Variants in SOCS6 observed in about 807,000 individuals in gnomAD.
SOCS6 encodes the protein STAT induced STAT inhibitor-4.
SOCS6 carries 5 observed loss-of-function variants against 27.7 expected under a neutral mutation model. The ratio of observed to expected loss-of-function variants is 0.18; its 90% CI spans 0.09 to 0.38. The LOEUF (loss-of-function observed/expected upper bound fraction) is 0.38. Ranked by LOEUF, SOCS6 falls within the 10% of genes least tolerant of loss-of-function variation. The probability of loss-of-function intolerance (pLI) is 1.00; values close to 1 mark genes in which losing one functional copy is unlikely to be tolerated. For missense variants in SOCS6, 595 were observed against 688.1 expected (o/e 0.86, Z 1.51); for synonymous variants, 271 against 260.0 (o/e 1.04, Z -0.41).
chr18:70,319,607 G>GT (rs1196376267), intron 1 of SOCS6, among the ~76,000 whole-genome samples: 2 of 54,240 alleles, frequency 3.7e-5, no homozygotes, highest in Non-Finnish European at 6.5e-5. Context: ...AAGCACTTCA[G>GT]TAAAAAAAAA....
At chr18:70,314,035 C>A (rs2146284019) in intron 1 of SOCS6, among the ~76,000 whole-genome samples, 1 of 152,196 alleles carries the variant, frequency 6.6e-6, no homozygotes. Context: ...TTTTTTGAAG[C>A]TGTTATAAAT....
At chr18:70,314,209 T>C (rs1732236292) in intron 1 of SOCS6, 1 of 152,174 alleles carries the variant, frequency 6.6e-6, no homozygotes, top group South Asian at 2.1e-4. Context: ...TGAGCTGAGA[T>C]GGCACCACCA....
At chr18:70,295,710 A>G (rs901224073) in intron 1 of SOCS6, among the ~76,000 whole-genome samples, 2 of 152,234 alleles carry the variant, frequency 1.3e-5, no homozygotes, top group African/African-American at 2.4e-5. Flanking sequence ...GTGATTTTAT[A>G]TATTTGCAGC....
rs1911213950 is a variant in SOCS6 at position 70,326,479 on chromosome 18, C to T, written c.*203C>T. On this transcript the variant is annotated 3_prime_UTR_variant, in exon 2 of 2. Transcript: ENST00000397942. ...TTTTGGTTCTTTAAAAAAGGGAAGT[C>T]TTGAGGTTTTAGAGGTGTGAATTAT... The T allele has an allele frequency of 3.5e-6, 2 of 570,510 alleles. No individual in the cohort carries two copies. The highest frequency in any genetic ancestry group is 6.3e-6 in the Non-Finnish European group (2 of 316,958). 35.3% of individuals were successfully genotyped at this position (570,510 alleles called of 1,614,324 possible).
intron 1 of SOCS6, among the ~76,000 whole-genome samples, chr18:70,310,984 CA>C (rs1312529837): frequency 1.3e-5 from 2 of 152,152 alleles, no homozygotes; most frequent in African/African-American, 4.8e-5. Context: ...TATGAGGATT[CA>C]AGAAGTTAAA....
rs886204776 is a variant in SOCS6 at position 70,317,708 on chromosome 18, A to T, written c.-126-6835A>T. 2.0e-5 allele frequency among the ~76,000 whole-genome samples: 3 copies of T among 151,144 alleles called. 1 individual carries two copies. Among genetic ancestry groups the T allele is most frequent in the Non-Finnish European group, 4.4e-5 (3 of 67,902 alleles). On this transcript the variant is annotated intron_variant, in intron 1 of 1. Coordinates refer to ENST00000397942, the MANE Select transcript of SOCS6 (RefSeq NM_004232.4). Reference sequence around the variant, plus strand: ...TTTTTTTCCCTCTGGGTAGATACCTAGTAGTGGGATTGCTGGATGAAATGG... The same window carrying T: ...TTTTTTTCCCTCTGGGTAGATACCTTGTAGTGGGATTGCTGGATGAAATGG...
rs193050200 is a variant in SOCS6, at chr18:70,302,934, G to A, written c.-127+13844G>A. 4.6e-3 allele frequency among the ~76,000 whole-genome samples: 697 copies of A among 152,076 alleles called. 31 individuals are homozygous for A. Among genetic ancestry groups the A allele is most frequent in the Admixed American group, 0.043 (664 of 15,268 alleles). On this transcript the variant is annotated intron_variant, in intron 1 of 1. Transcript: ENST00000397942. ...GATTTATTTTTTGTTTGGCAGTCATGGTATAACTGAAAGCCAAGAAAAGGC... is the reference window on the plus strand; with the variant it reads ...GATTTATTTTTTGTTTGGCAGTCATAGTATAACTGAAAGCCAAGAAAAGGC...
chr18:70,324,413 C>G, intron 1 of SOCS6, 130 bp from the exon 2 acceptor site: 1 of 318,676 alleles, frequency 3.1e-6, no homozygotes, highest in Non-Finnish European at 5.7e-6. Context: ...AAAGCCCGGT[C>G]CTAACAGAGC....
At chr18:70,313,844 A>G (rs1406909526) in intron 1 of SOCS6, among the ~76,000 whole-genome samples, 1 of 152,054 alleles carries the variant, frequency 6.6e-6, no homozygotes, top group Non-Finnish European at 1.5e-5. Flanking sequence ...GTTCACTGTC[A>G]TTTTGTTGAC....
chr18:70,312,771 A>ATTTTTTTTTTT (rs375997089), intron 1 of SOCS6, among the ~76,000 whole-genome samples: 1 of 121,984 alleles, frequency 8.2e-6, no homozygotes. Context: ...AATTCTTTGG[A>ATTTTTTTTTTT]TTTTTTTTTT....
At chr18:70,301,995 A>C (rs1364391698) in intron 1 of SOCS6, among the ~76,000 whole-genome samples, 2 of 152,224 alleles carry the variant, frequency 1.3e-5, no homozygotes, top group Admixed American at 1.3e-4. Context: ...CGTGGGCATC[A>C]GTAGACTCAG....
intron 1 of SOCS6, among the ~76,000 whole-genome samples, chr18:70,321,483 G>T (rs1288731776): frequency 8.0e-6 from 1 of 125,542 alleles, no homozygotes; most frequent in African/African-American, 3.2e-5. Context: ...ACCATGCCTG[G>T]CTATTTTTTT....
Position 70,325,306 on chromosome 18 carries a change from T to A in SOCS6, c.638T>A (p.Ile213Asn). The A allele has an allele frequency of 6.2e-7, 1 of 1,614,224 alleles. No homozygotes were observed. The part of the protein sequence containing the change: ...LHLDEHVPVV[I>N]GLMPQDYIQY... Reference sequence around the variant, plus strand: ...CTGGATGAACATGTGCCTGTCGTTATTGGACTTATGCCTCAGGACTACATT... The same window carrying A: ...CTGGATGAACATGTGCCTGTCGTTAATGGACTTATGCCTCAGGACTACATT... Residue 213 changes from isoleucine to asparagine, a missense_variant, in exon 2 of 2, where the codon ATT (isoleucine) becomes AAT (asparagine). Around this residue, in one of 2 missense-constraint regions of SOCS6, gnomAD observed 467 missense variants for 481.1 expected, o/e 0.97. Transcript: ENST00000397942. This position sits in a 1 kb window ranked among gnomAD's most constrained non-coding sequence, Gnocchi z 6.3.
intron 1 of SOCS6, among the ~76,000 whole-genome samples, chr18:70,311,911 G>A (rs1034042831): frequency 2.0e-5 from 3 of 152,010 alleles, no homozygotes; most frequent in Admixed American, 1.3e-4. Flanking sequence ...TAAATGTTTC[G>A]TGTAGGGAAG....
rs770332863 is a variant in SOCS6, at chr18:70,325,473, G to A, written c.805G>A (p.Val269Ile). ...GRAFPEDESQVDQDLVVAPEI... is the reference protein window; with the variant it reads ...GRAFPEDESQIDQDLVVAPEI... ...CGCTTTCCCCGAGGATGAGAGTCAG[G>A]TAGACCAGGACCTAGTTGTCGCCCC... is the stretch of plus-strand genomic sequence containing the variant. Residue 269 changes from valine (V) to isoleucine (I), a missense_variant, in exon 2 of 2, where the codon GTA becomes ATA. Physicochemically the swap from Val to Ile is conservative, Grantham distance 29. This residue lies in a region of SOCS6 where 467 missense variants were observed against 481.1 expected (regional missense o/e 0.97). Coordinates refer to ENST00000397942, the MANE Select transcript of SOCS6 (RefSeq NM_004232.4). The surrounding 1 kb of genome is among the most constrained non-coding windows in gnomAD (Gnocchi z 6.3). The A allele has an allele frequency of 7.4e-6, 12 of 1,614,062 alleles. No homozygotes were observed. In the South Asian group the frequency reaches 8.8e-5, roughly 12 times the overall value.
At chr18:70,308,106 T>A (rs2062376623) in intron 1 of SOCS6, among the ~76,000 whole-genome samples, 1 of 152,236 alleles carries the variant, frequency 6.6e-6, no homozygotes, top group Admixed American at 6.5e-5. Context: ...TTTGTTTCAT[T>A]TAGAAATATT....
chr18:70,292,645 G>T (rs539870623), intron 1 of SOCS6, among the ~76,000 whole-genome samples: 1 of 152,288 alleles, frequency 6.6e-6, no homozygotes, highest in Admixed American at 6.5e-5. Flanking sequence ...ACTGTGCCCA[G>T]CCAAAAATCC....
chr18:70,309,318 A>C (rs1220415693), intron 1 of SOCS6, among the ~76,000 whole-genome samples: 1 of 152,202 alleles, frequency 6.6e-6, no homozygotes, highest in Non-Finnish European at 1.5e-5. Context: ...CTGTGAACTA[A>C]AGTTTGCTGA....
chr18:70,328,323 A>C lies in SOCS6; in HGVS notation c.*2047A>C, dbSNP rs1911287161. 6.0e-6 allele frequency: 1 copy of C among 167,010 alleles called. No individual in the cohort carries two copies. Among genetic ancestry groups the C allele is most frequent in the Non-Finnish European group, 1.5e-5 (1 of 68,114 alleles). 10.3% of individuals were successfully genotyped at this position (167,010 alleles called of 1,614,324 possible). A position where few individuals can be genotyped will look rare whatever the true frequency, so the allele number is the denominator to read the frequency against. On this transcript the variant is annotated 3_prime_UTR_variant, in exon 2 of 2. Coordinates refer to ENST00000397942, the MANE Select transcript of SOCS6 (RefSeq NM_004232.4). ...CACTGTGTATTAATAATAAATGTTG[A>C]AATGGCTTCTCCGTGTCTCCAGAAG... is the stretch of plus-strand genomic sequence containing the variant.
Sources: allele counts gnomAD v4.1 joint callset (sites outside exome capture counted in the v4.1 genomes callset), GRCh38; gene constraint gnomAD v4.1.1; regional missense constraint gnomAD v4.1.1; non-coding constraint Gnocchi (gnomAD v3.1); transcripts MANE v1.5; gene names NCBI Gene and HGNC (gene_info 2026-07-23, HGNC 2026-07-21).